Variants in KAT2B observed in about 807,000 individuals in gnomAD.
The protein encoded by KAT2B is lysine acetyltransferase 2B.
A neutral mutation model predicts 105.9 loss-of-function variants in KAT2B; 36 were observed. That is an observed-to-expected ratio of 0.34 (90% CI 0.26 to 0.45). KAT2B has a LOEUF of 0.45. Ranked by LOEUF, KAT2B falls within the 20% of genes least tolerant of loss-of-function variation. The probability of loss-of-function intolerance (pLI) is 1.00; values close to 1 mark genes in which losing one functional copy is unlikely to be tolerated. For missense variants in KAT2B, 820 were observed against 1,021.6 expected (o/e 0.80, Z 2.69); for synonymous variants, 397 against 377.9 (o/e 1.05, Z -0.59).
intron 3 of KAT2B, among the ~76,000 whole-genome samples, chr3:20,097,082 G>A (rs1698824262): frequency 6.6e-6 from 1 of 152,244 alleles, no homozygotes; most frequent in Non-Finnish European, 1.5e-5. Flanking sequence ...ATGGCTGTGA[G>A]GTTTGAGTCA....
At chr3:20,131,084 C>T (rs920220907) in intron 11 of KAT2B, among the ~76,000 whole-genome samples, 10 of 136,762 alleles carry the variant, frequency 7.3e-5, no homozygotes, top group East Asian at 2.4e-4. Flanking sequence ...GGCGTGATCT[C>T]GGCTCACTGC....
intron 4 of KAT2B, among the ~76,000 whole-genome samples, chr3:20,100,484 A>G (rs567055572): frequency 7.2e-5 from 11 of 152,176 alleles, no homozygotes; most frequent in Non-Finnish European, 1.6e-4. Flanking sequence ...TTTTTCTGTT[A>G]GGTGTTGTCA....
At chr3:20,129,007 CA>C (rs534566854) in intron 11 of KAT2B, among the ~76,000 whole-genome samples, 4,342 of 57,246 alleles carry the variant, frequency 0.076, 48 homozygotes, top group Middle Eastern at 0.087. Flanking sequence ...AACTCCATCT[CA>C]AAAAAAAAAA....
At chr3:20,058,669 A>G (rs1698043916) in intron 1 of KAT2B, among the ~76,000 whole-genome samples, 1 of 152,130 alleles carries the variant, frequency 6.6e-6, no homozygotes, top group Non-Finnish European at 1.5e-5. Flanking sequence ...GCTTGAAGTC[A>G]TAGCATTATG....
rs60469487 is a variant in KAT2B, at chr3:20,062,411, T to C, written c.304-9922T>C. On this transcript the variant is annotated intron_variant, in intron 1 of 17. Transcript: ENST00000263754. ...AACATAATAAATTATATATTATATA[T>C]TATATATTATTATATATAATATATA... is the stretch of plus-strand genomic sequence containing the variant. Among the ~76,000 whole-genome samples, 203 of 113,052 alleles carry C rather than the reference T, an allele frequency of 1.8e-3. 1 individual carries two copies. The highest frequency in any genetic ancestry group is 5.6e-3 in the South Asian group (25 of 4,446). 74.2% of individuals were successfully genotyped at this position (113,052 alleles called of 152,430 possible).
rs1353864496 is a variant in KAT2B at position 20,078,755 on chromosome 3, A to G, written c.430+6296A>G. On this transcript the variant is annotated intron_variant, in intron 2 of 17. Transcript: ENST00000263754. Reference sequence around the variant, plus strand: ...TGGGAACTGACTGTTTTTTGTCACTATAGATTCCTTGCTTTTCTGCTTGTT... The same window carrying G: ...TGGGAACTGACTGTTTTTTGTCACTGTAGATTCCTTGCTTTTCTGCTTGTT... 2.0e-5 allele frequency among the ~76,000 whole-genome samples: 3 copies of G among 151,610 alleles called. No homozygotes were observed. The South Asian group carries it at 6.2e-4, about 31-fold the overall frequency.
At chr3:20,141,379 A>C (rs1028525488) in intron 13 of KAT2B, among the ~76,000 whole-genome samples, 7 of 149,962 alleles carry the variant, frequency 4.7e-5, no homozygotes, top group Admixed American at 2.7e-4. Context: ...GAAAAAAAAA[A>C]CACTCATGAT....
rs143885950 is a variant in KAT2B at position 20,061,568 on chromosome 3, C to T, written c.304-10765C>T. 9.3e-4 allele frequency among the ~76,000 whole-genome samples: 142 copies of T among 151,980 alleles called. 5 individuals are homozygous for T. In the East Asian group the frequency reaches 0.026, roughly 27 times the overall value. ...GGAACTGTCATACTGTTTTCCATAG[C>T]AGCCATACCATTTTACGTCTTCAGC... On this transcript the variant is annotated intron_variant, in intron 1 of 17. Transcript: ENST00000263754.
At chr3:20,056,430 A>G (rs1698005112) in intron 1 of KAT2B, among the ~76,000 whole-genome samples, 3 of 152,190 alleles carry the variant, frequency 2.0e-5, no homozygotes, top group Admixed American at 2.0e-4. Flanking sequence ...GTTGGAGGTG[A>G]TACATTAGAT....
intron 2 of KAT2B, among the ~76,000 whole-genome samples, chr3:20,077,726 A>G (rs757369302): frequency 6.6e-6 from 1 of 152,238 alleles, no homozygotes; most frequent in Non-Finnish European, 1.5e-5. Context: ...AGAATATTCT[A>G]GTTCATTCTC....
At chr3:20,148,028 T>C (rs368992019) in intron 15 of KAT2B, 29 bp downstream of exon 15, 11 of 1,605,204 alleles carry the variant, frequency 6.9e-6, no homozygotes, top group South Asian at 1.1e-5. Context: ...AGGATGTTAA[T>C]GGAAGTGATT....
chr3:20,051,655 C>T (rs766147738), intron 1 of KAT2B, among the ~76,000 whole-genome samples: 2 of 152,144 alleles, frequency 1.3e-5, no homozygotes, highest in Non-Finnish European at 2.9e-5. Flanking sequence ...TTGCTGAGGC[C>T]ATTAAATGCC....
In KAT2B at chr3:20,040,645, G is replaced by T. The variant is rs1260206299; in HGVS notation, c.168G>T (p.Thr56=). 2.8e-6 allele frequency: 4 copies of T among 1,453,526 alleles called. No individual in the cohort carries two copies. The highest frequency in any genetic ancestry group is 1.5e-5 in the African/African-American group (1 of 68,022). The allele number at this position is 1,453,526 out of a possible 1,614,324, so 90.0% of individuals were successfully genotyped here. Residue 56 remains threonine, a synonymous_variant, in exon 1 of 18, where the codon ACG becomes ACT. Transcript: ENST00000263754. The part of the protein sequence containing the change: ...AGGSGACGPA[T]AVAAAGTAEG... ...GCTCGGGCGCCTGCGGTCCGGCGAC[G>T]GCAGTGGCTGCAGCGGGCACGGCCG...
chr3:20,147,141 T>C (rs1004682243), intron 14 of KAT2B, among the ~76,000 whole-genome samples: 1 of 152,198 alleles, frequency 6.6e-6, no homozygotes, highest in Non-Finnish European at 1.5e-5. Context: ...TTAGTATATT[T>C]AAGCTTTAAT....
chr3:20,101,141 T>G (rs1698902478), intron 4 of KAT2B, 146 bp from the exon 5 acceptor site: 1 of 643,460 alleles, frequency 1.6e-6, no homozygotes, highest in African/African-American at 1.8e-5. Context: ...GATTGCTATT[T>G]TCTTTTAGGG....
intron 8 of KAT2B, among the ~76,000 whole-genome samples, chr3:20,120,685 A>C (rs1292621598): frequency 6.6e-6 from 1 of 152,154 alleles, no homozygotes; most frequent in Non-Finnish European, 1.5e-5. Flanking sequence ...GAATTTGGCC[A>C]TTAATGTAAT....
chr3:20,105,129 G>A (rs1698977265), intron 5 of KAT2B, among the ~76,000 whole-genome samples: 1 of 152,090 alleles, frequency 6.6e-6, no homozygotes, highest in Non-Finnish European at 1.5e-5. Flanking sequence ...CAGGTGATCT[G>A]CCTACCTCGT....
chr3:20,092,055 A>T (rs892439933), intron 2 of KAT2B, among the ~76,000 whole-genome samples: 4 of 152,096 alleles, frequency 2.6e-5, no homozygotes, highest in Non-Finnish European at 5.9e-5. Context: ...CTCTCATTGA[A>T]TGGAATGTTC....
At chr3:20,066,164 G>C (rs1446911239) in intron 1 of KAT2B, among the ~76,000 whole-genome samples, 1 of 152,090 alleles carries the variant, frequency 6.6e-6, no homozygotes, top group Non-Finnish European at 1.5e-5. Flanking sequence ...TTGGCTTATA[G>C]TGAGACCCTG....
Sources: gnomAD v4.1 joint callset for allele counts (sites outside exome capture counted in the v4.1 genomes callset) on GRCh38, gnomAD v4.1.1 for gene constraint, MANE v1.5 for transcripts, NCBI Gene and HGNC (gene_info 2026-07-23, HGNC 2026-07-21) for gene names.